Variants in APOL5 observed in about 807,000 individuals in gnomAD.
APOL5 encodes the protein apolipoprotein L, 5.
APOL5 carries 29 observed loss-of-function variants against 35.5 expected under a neutral mutation model. That is an observed-to-expected ratio of 0.82 (90% CI 0.61 to 1.11). The LOEUF (loss-of-function observed/expected upper bound fraction) is 1.11. Ranked by LOEUF, APOL5 falls within the 50% of genes most tolerant of loss-of-function variation. APOL5 has a pLI of 0.00. For missense variants in APOL5, 514 were observed against 530.4 expected, an observed-to-expected ratio of 0.97 and a Z score of 0.30; for synonymous variants, 188 against 200.2, an observed-to-expected ratio of 0.94 and a Z score of 0.51.
intron 1 of APOL5, among the ~76,000 whole-genome samples, chr22:35,718,933 C>T (rs1439035035): frequency 1.3e-5 from 2 of 151,842 alleles, no homozygotes; most frequent in African/African-American, 2.4e-5. Flanking sequence ...GTGGTGCGCA[C>T]CTATAATTGC....
chr22:35,718,114 T>C (rs1434703557), intron 1 of APOL5, among the ~76,000 whole-genome samples, 188 bp downstream of exon 1: 1 of 152,224 alleles, frequency 6.6e-6, no homozygotes, highest in Non-Finnish European at 1.5e-5. Context: ...GGTTTGAAAA[T>C]ACTACATCAA....
chr22:35,727,357 CTCTGTTCTTCCCAGAATTGCGT>C (rs1927209425), intron 3 of APOL5, among the ~76,000 whole-genome samples, 163 bp downstream of exon 3: 1 of 152,212 alleles, frequency 6.6e-6, no homozygotes, highest in Non-Finnish European at 1.5e-5. Flanking sequence ...ACTAGGCGCC[CTCTGTTCTTCCCAGAATTGCGT>C]TCTGTTCTCT....
rs770196932 is a variant in APOL5 at position 35,728,726 on chromosome 22, C to T, written c.1130C>T (p.Ser377Phe). 2.5e-6 allele frequency: 4 copies of T among 1,611,702 alleles called. No homozygotes were observed. In the African/African-American group the frequency reaches 5.3e-5, roughly 22 times the overall value. The change falls in exon 4 of 5, where the codon TCT becomes TTT. Residue 377 changes from serine to phenylalanine, a missense_variant. This residue lies in a region of APOL5 where 238 missense variants were observed against 229.1 expected (regional missense o/e 1.04). Coordinates refer to ENST00000249044, the MANE Select transcript of APOL5 (RefSeq NM_030642.1). ...RGSRVVKPEG[S>F]RSPLPWPVVE... ...CACAGGGACTCATGTTCCACAGGGT[C>T]TCGCTCACCTCTCCCCTGGCCTGTT...
At chr22:35,714,038 G>A (rs994666450), upstream of APOL5, among the ~76,000 whole-genome samples, 18 of 152,236 alleles carry the variant, frequency 1.2e-4, no homozygotes, top group South Asian at 8.3e-4. Flanking sequence ...TTGGCCGGGC[G>A]CGGTGGCTCA....
chr22:35,723,793 C>T (rs577717894), intron 2 of APOL5, among the ~76,000 whole-genome samples: 8 of 152,282 alleles, frequency 5.3e-5, no homozygotes, highest in South Asian at 4.1e-4. Context: ...AAAACCCTGT[C>T]GCTACTAAAA....
At chr22:35,724,748 C>T (rs1046186312) in intron 2 of APOL5, among the ~76,000 whole-genome samples, 1 of 151,990 alleles carries the variant, frequency 6.6e-6, no homozygotes, top group Non-Finnish European at 1.5e-5. Flanking sequence ...GTAGCTGGGA[C>T]TACAGGCGCC....
chr22:35,719,755 C>G (rs946917843), intron 1 of APOL5, among the ~76,000 whole-genome samples: 2 of 152,192 alleles, frequency 1.3e-5, no homozygotes, highest in African/African-American at 4.8e-5. Context: ...TTGCAGCTCC[C>G]GAGCCCCAGT....
At chr22:35,723,306 A>ATC (rs1927037365) in intron 2 of APOL5, among the ~76,000 whole-genome samples, 1 of 152,184 alleles carries the variant, frequency 6.6e-6, no homozygotes, top group Non-Finnish European at 1.5e-5. Context: ...AGCCTAAGGG[A>ATC]TATACAAGTC....
At chr22:35,719,597 C>A (rs1463572265) in intron 1 of APOL5, among the ~76,000 whole-genome samples, 4 of 152,234 alleles carry the variant, frequency 2.6e-5, no homozygotes, top group Non-Finnish European at 2.9e-5. Context: ...GGGAAAAGTT[C>A]CCTTATCCCC....
intron 1 of APOL5, 101 bp from the exon 2 acceptor site, chr22:35,720,467 C>A: frequency 2.3e-6 from 2 of 879,194 alleles, no homozygotes; most frequent in South Asian, 1.6e-5. Context: ...TCTAATTCTC[C>A]AATATTGTAA....
chr22:35,719,850 C>A (rs5999974), intron 1 of APOL5, among the ~76,000 whole-genome samples: 102,464 of 152,104 alleles, frequency 0.67, 35,044 homozygotes, highest in African/African-American at 0.76. Flanking sequence ...TTGGATCACA[C>A]GTGGGCTTGG....
At position 35,717,991 on chromosome 22, in the gene APOL5, G is replaced by C. The variant is rs971794461; in HGVS notation, c.55+65G>C. On this transcript the variant is annotated intron_variant, in intron 1 of 4. Transcript: ENST00000249044. ...CGTTGTACAAATTGTCCCAGAAATAGAAAAAATACGTTACACTATTTTTTA... is the reference window on the plus strand; with the variant it reads ...CGTTGTACAAATTGTCCCAGAAATACAAAAAATACGTTACACTATTTTTTA... The C allele has an allele frequency of 5.9e-6, 8 of 1,354,278 alleles. No individual in the cohort carries two copies. The African/African-American group carries it at 1.0e-4, about 18-fold the overall frequency. 83.9% of individuals were successfully genotyped at this position (1,354,278 alleles called of 1,614,324 possible).
chr22:35,720,331 G>T (rs1052569203), intron 1 of APOL5, among the ~76,000 whole-genome samples: 1 of 152,204 alleles, frequency 6.6e-6, no homozygotes, highest in African/African-American at 2.4e-5. Context: ...AAGCCTAAGC[G>T]ATTTCCAGTT....
intron 2 of APOL5, among the ~76,000 whole-genome samples, chr22:35,724,301 A>T (rs1217349209): frequency 6.6e-6 from 1 of 151,812 alleles, no homozygotes. Flanking sequence ...AAAAAAAAAA[A>T]AATGGGTCTC....
intron 2 of APOL5, among the ~76,000 whole-genome samples, chr22:35,722,833 C>A (rs1244342233): frequency 1.3e-5 from 2 of 152,174 alleles, no homozygotes; most frequent in Non-Finnish European, 2.9e-5. Flanking sequence ...GCTTTAGACA[C>A]CCTCACTAAC....
In APOL5 at chr22:35,717,891, G is replaced by T; in HGVS notation, c.20G>T (p.Gly7Val). 6.3e-7 allele frequency: 1 copy of T among 1,586,650 alleles called. No homozygotes were observed. Among genetic ancestry groups the T allele is most frequent in the Non-Finnish European group, 8.6e-7 (1 of 1,166,548 alleles). ...TAAAGCATGCCATGTGGCAAACAAG[G>T]AAATTTGCAAGTTCCCGGTTCCAAG... MPCGKQ[G>V]NLQVPGSKVL... is the part of the protein sequence containing the mutation. The change falls in exon 1 of 5, where the codon GGA (glycine) becomes GTA (valine). Residue 7 changes from glycine to valine, a missense_variant. By Grantham distance (109) the Gly-to-Val change is moderately radical (BLOSUM62 -3). Around this residue, in one of 3 missense-constraint regions of APOL5, gnomAD observed 254 missense variants for 254.7 expected, o/e 1.00. Coordinates refer to ENST00000249044, the MANE Select transcript of APOL5 (RefSeq NM_030642.1).
chr22:35,712,782 G>T, the APOL5 span, among the ~76,000 whole-genome samples: 1 of 152,110 alleles, frequency 6.6e-6, no homozygotes, highest in African/African-American at 2.4e-5. Context: ...TATGACCTGG[G>T]CCTTCTACCT....
chr22:35,717,055 G>A (rs1201464383), upstream of APOL5, among the ~76,000 whole-genome samples: 1 of 151,322 alleles, frequency 6.6e-6, no homozygotes, highest in Non-Finnish European at 1.5e-5. Context: ...GAGGTGGGAT[G>A]CTGAGTGTCA....
At chr22:35,716,566 T>G (rs547749104), upstream of APOL5, among the ~76,000 whole-genome samples, 5 of 152,196 alleles carry the variant, frequency 3.3e-5, no homozygotes, top group South Asian at 1.0e-3. Flanking sequence ...CTGGCTTCTA[T>G]TGGCTTTTAT....
Sources: gnomAD v4.1 joint callset for allele counts (sites outside exome capture counted in the v4.1 genomes callset) on GRCh38, gnomAD v4.1.1 for gene constraint, gnomAD v4.1.1 regional missense constraint, MANE v1.5 for transcripts, NCBI Gene and HGNC (gene_info 2026-07-23, HGNC 2026-07-21) for gene names.